Variants in COX11 observed in about 807,000 individuals in gnomAD.
The protein encoded by COX11 is cytochrome c oxidase assembly protein COX11, mitochondrial.
COX11 carries 18 observed loss-of-function variants against 29.4 expected under a neutral mutation model. The ratio of observed to expected loss-of-function variants is 0.61; its 90% CI spans 0.42 to 0.91. The LOEUF (loss-of-function observed/expected upper bound fraction) is 0.91. COX11 is among the 40% of genes least tolerant of loss of function. The pLI is 0.00. For missense variants in COX11, 312 were observed against 346.0 expected, an observed-to-expected ratio of 0.90 and a Z score of 0.78; for synonymous variants, 131 against 124.0, an observed-to-expected ratio of 1.06 and a Z score of -0.38.
intron 2 of COX11, chr17:54,964,468 ATTT>A: frequency 2.1e-6 from 1 of 479,270 alleles, no homozygotes; most frequent in East Asian, 4.1e-5. Context: ...ATTACTATAA[ATTT>A]TTTTATTCCC....
At chr17:54,968,230 C>T in intron 1 of COX11, 51 bp downstream of exon 1, 1 of 1,579,130 alleles carries the variant, frequency 6.3e-7, no homozygotes, top group Non-Finnish European at 8.6e-7. Context: ...ATTTGTCTTG[C>T]ACCCCCACCT....
exon 1 of COX11, chr17:54,952,722 T>C (rs2049298826): frequency 6.6e-6 from 1 of 152,190 alleles, no homozygotes. Context: ...AGAGGCAGTC[T>C]AATGCTATAC....
downstream of COX11, chr17:54,959,616 A>ATT (rs71361745): frequency 0.27 from 37,206 of 138,492 alleles, 5,255 homozygotes; most frequent in African/African-American, 0.29. Flanking sequence ...TGGAAGATTA[A>ATT]TTTTTTTTTT....
At chr17:54,964,994 G>A in intron 1 of COX11, 142 bp from the exon 2 acceptor site, 1 of 751,032 alleles carries the variant, frequency 1.3e-6, no homozygotes, top group Non-Finnish European at 2.1e-6. Flanking sequence ...TGCTGTAACT[G>A]TGTCAAGAAT....
intron 1 of COX11, among the ~76,000 whole-genome samples, chr17:54,967,046 A>G (rs1039194464): frequency 8.7e-3 from 537 of 62,050 alleles, no homozygotes; most frequent in African/African-American, 0.016. Flanking sequence ...GCGCGCGCAC[A>G]CACACACACA....
chr17:54,963,797 A>T (rs900339406), intron 2 of COX11, among the ~76,000 whole-genome samples: 3 of 151,900 alleles, frequency 2.0e-5, no homozygotes, highest in East Asian at 1.9e-4. Flanking sequence ...ATGATTGACT[A>T]TTTTTTTTAA....
upstream of COX11, chr17:54,968,783 T>C: frequency 9.7e-7 from 1 of 1,028,466 alleles, no homozygotes; most frequent in Non-Finnish European, 1.4e-6. Context: ...GCGCTTGCAG[T>C]CGGGCTACGG....
At position 54,963,367 on chromosome 17, in the gene COX11, AT is replaced by A; in HGVS notation, c.586del (p.Ile196LeufsTer36). ...RAKNPTDKPV[I>X]GISTYNIVPF... is the part of the protein sequence containing the mutation. ...AACAATATTGTATGTAGAAATTCCA[AT>A]TACTGGTTTGTCAGTAGGATTCTTA... On this transcript the variant is annotated frameshift_variant, in exon 3 of 4. Coordinates refer to ENST00000299335, the MANE Select transcript of COX11 (RefSeq NM_004375.5). LOFTEE classifies it high-confidence loss of function. The A allele has an allele frequency of 1.9e-6, 3 of 1,612,526 alleles. No individual in the cohort carries two copies. The highest frequency in any genetic ancestry group is 2.5e-6 in the Non-Finnish European group (3 of 1,179,124).
Position 54,961,633 on chromosome 17 carries a change from T to C in COX11, c.*1100A>G. 1 of 1,099,640 alleles carries C rather than the reference T, an allele frequency of 9.1e-7. No homozygotes were observed. The highest frequency in any genetic ancestry group is 1.1e-6 in the Non-Finnish European group (1 of 903,180). The allele number at this position is 1,099,640 out of a possible 1,614,324, so 68.1% of individuals were successfully genotyped here. On this transcript the variant is annotated 3_prime_UTR_variant, in exon 4 of 4. Coordinates refer to ENST00000299335, the MANE Select transcript of COX11 (RefSeq NM_004375.5). Reference sequence around the variant, plus strand: ...GATGAAAGCATAAAATGTGAGAAACTGAATGTATTATTCAGGAAGAATACT... The same window carrying C: ...GATGAAAGCATAAAATGTGAGAAACCGAATGTATTATTCAGGAAGAATACT...
In COX11 at chr17:54,961,513, C is replaced by T; in HGVS notation, c.*1220G>A. 3 of 1,412,434 alleles carry T rather than the reference C, an allele frequency of 2.1e-6. No individual in the cohort carries two copies. Among genetic ancestry groups the T allele is most frequent in the Non-Finnish European group, 2.8e-6 (3 of 1,087,306 alleles). 87.5% of individuals were successfully genotyped at this position (1,412,434 alleles called of 1,614,324 possible). A position where few individuals can be genotyped will look rare whatever the true frequency, so the allele number is the denominator to read the frequency against. Reference sequence around the variant, plus strand: ...TTAGTCCTTAGGCCAACCAATTTAACTGCAGTGTCATGTTTCACAGGCCTT... The same window carrying T: ...TTAGTCCTTAGGCCAACCAATTTAATTGCAGTGTCATGTTTCACAGGCCTT... On this transcript the variant is annotated 3_prime_UTR_variant, in exon 4 of 4. Transcript: ENST00000299335.
At chr17:54,965,724 G>A (rs984073282) in intron 1 of COX11, among the ~76,000 whole-genome samples, 9 of 152,072 alleles carry the variant, frequency 5.9e-5, no homozygotes, top group South Asian at 2.1e-4. Flanking sequence ...AGGTCTACTC[G>A]GGAGGCTGAG....
rs376690345 is a variant in COX11, at chr17:54,960,422, T to C, written c.*2311A>G. 9.3e-6 allele frequency: 6 copies of C among 644,206 alleles called. No individual in the cohort carries two copies. Among genetic ancestry groups the C allele is most frequent in the African/African-American group, 5.5e-5 (3 of 54,896 alleles). 39.9% of individuals were successfully genotyped at this position (644,206 alleles called of 1,614,324 possible). ...AATTTAAATAAACTAGAATACACAC[T>C]TCAGGGCAGAGACTTATTTTTACTC... is the stretch of plus-strand genomic sequence containing the variant. On this transcript the variant is annotated 3_prime_UTR_variant, in exon 4 of 4. Transcript: ENST00000299335.
At position 54,961,944 on chromosome 17, in the gene COX11, A is replaced by C. The variant is rs972744025; in HGVS notation, c.*789T>G. On this transcript the variant is annotated 3_prime_UTR_variant, in exon 4 of 4. Coordinates refer to ENST00000299335, the MANE Select transcript of COX11 (RefSeq NM_004375.5). ...TTGTACATTTGATGACAAATAAATC[A>C]CTATTAAAACAATTTAATACTTTTT... 6 of 900,258 alleles carry C rather than the reference A, an allele frequency of 6.7e-6. No homozygotes were observed. In the African/African-American group the frequency reaches 1.1e-4, roughly 16 times the overall value. 55.8% of individuals were successfully genotyped at this position (900,258 alleles called of 1,614,324 possible). A position where few individuals can be genotyped will look rare whatever the true frequency, so the allele number is the denominator to read the frequency against.
chr17:54,956,842 GT>G (rs2049533762), downstream of COX11: 1 of 149,742 alleles, frequency 6.7e-6, no homozygotes, highest in Admixed American at 6.6e-5. Context: ...GTTTTATGGG[GT>G]GATAGAGAGG....
intron 3 of COX11, 174 bp downstream of exon 3, chr17:54,963,132 A>C (rs891246179): frequency 1.7e-5 from 14 of 807,926 alleles, no homozygotes; most frequent in Non-Finnish European, 2.7e-5. Context: ...GCAGATATCC[A>C]TTTGGTTTGG....
At chr17:54,967,145 C>G (rs2077245224) in intron 1 of COX11, among the ~76,000 whole-genome samples, 1 of 152,212 alleles carries the variant, frequency 6.6e-6, no homozygotes. Context: ...TTCCTGCACG[C>G]TGGAATCACC....
downstream of COX11, among the ~76,000 whole-genome samples, chr17:54,959,653 T>C (rs2077061367): frequency 6.6e-6 from 1 of 151,188 alleles, no homozygotes; most frequent in Admixed American, 6.6e-5. Flanking sequence ...AGTCTTGCTC[T>C]GTAGCCCAGG....
At position 54,960,668 on chromosome 17, in the gene COX11, A is replaced by C; in HGVS notation, c.*2065T>G. On this transcript the variant is annotated 3_prime_UTR_variant, in exon 4 of 4. Coordinates refer to ENST00000299335, the MANE Select transcript of COX11 (RefSeq NM_004375.5). ...TATACAACTTAATTCCATATTCCATATAATTTCAGTATAATTATCACTTTA... is the reference window on the plus strand; with the variant it reads ...TATACAACTTAATTCCATATTCCATCTAATTTCAGTATAATTATCACTTTA... 1 of 1,418,642 alleles carries C rather than the reference A, an allele frequency of 7.0e-7. No individual in the cohort carries two copies. The highest frequency in any genetic ancestry group is 1.2e-5 in the South Asian group (1 of 86,862). The allele number at this position is 1,418,642 out of a possible 1,614,324, so 87.9% of individuals were successfully genotyped here.
intron 2 of COX11, 32 bp from the exon 3 acceptor site, chr17:54,963,463 T>G (rs2077166864): frequency 6.3e-7 from 1 of 1,575,692 alleles, no homozygotes; most frequent in Admixed American, 1.9e-5. Flanking sequence ...TTATCAATAC[T>G]TTGAATCTCA....
Sources: allele counts gnomAD v4.1 joint callset (sites outside exome capture counted in the v4.1 genomes callset), GRCh38; gene constraint gnomAD v4.1.1; transcripts MANE v1.5; gene names NCBI Gene and HGNC (gene_info 2026-07-23, HGNC 2026-07-21).